CCSER1: variants seen among roughly 807,000 people sequenced by gnomAD.
The protein encoded by CCSER1 is coiled-coil serine rich protein 1.
A neutral mutation model predicts 82.0 loss-of-function variants in CCSER1; 41 were observed. That is an observed-to-expected ratio of 0.50 (90% CI 0.39 to 0.65). The LOEUF is 0.65. Among genes scored for constraint, CCSER1 ranks in the 30% least tolerant of loss-of-function variants. The probability of loss-of-function intolerance (pLI) is 0.00; values close to 1 mark genes in which losing one functional copy is unlikely to be tolerated. For missense variants in CCSER1, 1,119 were observed against 1,064.2 expected, an observed-to-expected ratio of 1.05 and a Z score of -0.72; for synonymous variants, 414 against 383.9, an observed-to-expected ratio of 1.08 and a Z score of -0.92.
intron 1 of CCSER1, among the ~76,000 whole-genome samples, chr4:90,212,693 G>T (rs1740257810): frequency 6.6e-6 from 1 of 152,202 alleles, no homozygotes; most frequent in Non-Finnish European, 1.5e-5. Flanking sequence ...TAGATATATT[G>T]TATGTCTGAT....
chr4:90,276,326 TTTCTTTCTTTC>T (rs1280089802), intron 1 of CCSER1, among the ~76,000 whole-genome samples: 8 of 142,210 alleles, frequency 5.6e-5, no homozygotes, highest in African/African-American at 1.4e-4. Flanking sequence ...TTTTTCTTTC[TTTCTTTCTTTC>T]TTCTTTCTTT....
rs545874713 is a variant in CCSER1 at position 90,491,712 on chromosome 4, C to A, written c.1724+23358C>A. 1.5e-4 allele frequency among the ~76,000 whole-genome samples: 23 copies of A among 152,038 alleles called. No individual in the cohort carries two copies. In the South Asian group the frequency reaches 2.9e-3, roughly 19 times the overall value. On this transcript the variant is annotated intron_variant, in intron 5 of 10. Coordinates refer to ENST00000509176, the MANE Select transcript of CCSER1 (RefSeq NM_001145065.2). Reference sequence around the variant, plus strand: ...TCCCACCAATACCTAATTTATTGAGCGTTTTTAGCATGAAGTGTTGTTGAA... The same window carrying A: ...TCCCACCAATACCTAATTTATTGAGAGTTTTTAGCATGAAGTGTTGTTGAA...
intron 10 of CCSER1, among the ~76,000 whole-genome samples, chr4:91,200,490 A>G (rs1735819395): frequency 6.6e-6 from 1 of 152,136 alleles, no homozygotes; most frequent in African/African-American, 2.4e-5. Flanking sequence ...GCCACATCTT[A>G]GAAGTCTTCA....
chr4:90,910,762 A>G (rs1250991408), intron 8 of CCSER1, among the ~76,000 whole-genome samples: 4 of 152,072 alleles, frequency 2.6e-5, no homozygotes, highest in African/African-American at 9.7e-5. Flanking sequence ...AAACATACAA[A>G]CCTGAAATAA....
At chr4:91,456,873 T>C (rs1756207643) in intron 10 of CCSER1, among the ~76,000 whole-genome samples, 1 of 152,158 alleles carries the variant, frequency 6.6e-6, no homozygotes, top group African/African-American at 2.4e-5. Context: ...AAATTTTCCA[T>C]TGCTGTCCAT....
rs7677753 is a variant in CCSER1, at chr4:90,278,595, G to A, written c.-41-29649G>A. Among the ~76,000 whole-genome samples the A allele has an allele frequency of 5.7e-3, 870 of 151,936 alleles. 7 individuals carry two copies. Among genetic ancestry groups the A allele is most frequent in the African/African-American group, 0.02 (838 of 41,438 alleles). ...AGAAACAGAAAACCAAATACTTCATGTTATTACTTACCGGTGAGAGTTTAA... is the reference window on the plus strand; with the variant it reads ...AGAAACAGAAAACCAAATACTTCATATTATTACTTACCGGTGAGAGTTTAA... On this transcript the variant is annotated intron_variant, in intron 1 of 10. Transcript: ENST00000509176.
chr4:90,764,540 G>C (rs1750914221), intron 7 of CCSER1, among the ~76,000 whole-genome samples: 1 of 152,046 alleles, frequency 6.6e-6, no homozygotes, highest in South Asian at 2.1e-4. Flanking sequence ...AGGCTGCATG[G>C]ATCATAATGG....
At chr4:90,577,024 C>G (rs1242820857) in intron 5 of CCSER1, among the ~76,000 whole-genome samples, 2 of 152,074 alleles carry the variant, frequency 1.3e-5, no homozygotes, top group Non-Finnish European at 2.9e-5. Context: ...TGTTCCATAT[C>G]CTAACCAGCA....
intron 4 of CCSER1, among the ~76,000 whole-genome samples, chr4:90,409,678 G>T (rs1259880865): frequency 6.6e-6 from 1 of 152,096 alleles, no homozygotes; most frequent in African/African-American, 2.4e-5. Flanking sequence ...GCAAAAACAT[G>T]CTAAATTTTA....
chr4:91,320,418 T>G (rs1331540208), intron 10 of CCSER1, among the ~76,000 whole-genome samples: 1 of 152,038 alleles, frequency 6.6e-6, no homozygotes, highest in East Asian at 1.9e-4. Context: ...TGTGCATAAT[T>G]ATAGTAGACA....
chr4:91,065,006 T>C (rs1372574881), intron 9 of CCSER1, among the ~76,000 whole-genome samples: 1 of 151,972 alleles, frequency 6.6e-6, no homozygotes, highest in East Asian at 1.9e-4. Context: ...AAAATCAAGA[T>C]GGTGAAATAC....
intron 1 of CCSER1, among the ~76,000 whole-genome samples, chr4:90,140,475 A>G (rs1277173204): frequency 6.6e-6 from 1 of 152,162 alleles, no homozygotes. Flanking sequence ...GTTCACACTC[A>G]CATCAAAAAC....
chr4:91,540,643 T>G (rs1761540349), intron 10 of CCSER1, among the ~76,000 whole-genome samples: 1 of 152,194 alleles, frequency 6.6e-6, no homozygotes, highest in South Asian at 2.1e-4. Context: ...ATCTAGGTTT[T>G]CTTCTGTTAT....
At chr4:91,089,731 T>C (rs1723754401) in intron 10 of CCSER1, among the ~76,000 whole-genome samples, 2 of 152,200 alleles carry the variant, frequency 1.3e-5, no homozygotes, top group Admixed American at 1.3e-4. Flanking sequence ...GAGTTTTAAA[T>C]CCTCCTATTG....
chr4:91,212,883 C>T (rs962675650), intron 10 of CCSER1, among the ~76,000 whole-genome samples: 2 of 151,988 alleles, frequency 1.3e-5, no homozygotes, highest in Non-Finnish European at 2.9e-5. Context: ...AGCCCTTGCC[C>T]ACCTCCTTCT....
At chr4:90,683,360 C>G (rs1292854971) in intron 6 of CCSER1, among the ~76,000 whole-genome samples, 1 of 151,982 alleles carries the variant, frequency 6.6e-6, no homozygotes, top group Non-Finnish European at 1.5e-5. Context: ...TTAAAGAGCT[C>G]AAGCTATTTT....
chr4:91,551,238 T>C (rs1001134538), intron 10 of CCSER1, among the ~76,000 whole-genome samples: 3 of 152,152 alleles, frequency 2.0e-5, no homozygotes, highest in Non-Finnish European at 4.4e-5. Context: ...ACTTATGTTA[T>C]TGTGTTAATT....
chr4:91,149,001 G>T (rs1166654866), intron 10 of CCSER1, among the ~76,000 whole-genome samples: 1 of 114,764 alleles, frequency 8.7e-6, no homozygotes, highest in Non-Finnish European at 1.9e-5. Context: ...TATATACCCA[G>T]CAGTGGGATG....
intron 10 of CCSER1, among the ~76,000 whole-genome samples, chr4:91,384,812 A>G (rs1232529875): frequency 1.3e-5 from 2 of 152,102 alleles, no homozygotes; most frequent in Non-Finnish European, 2.9e-5. Context: ...CGGAAGATAC[A>G]AATAGGCAGT....
Sources: gnomAD v4.1 joint callset for allele counts (sites outside exome capture counted in the v4.1 genomes callset) on GRCh38, gnomAD v4.1.1 for gene constraint, MANE v1.5 for transcripts, NCBI Gene and HGNC (gene_info 2026-07-23, HGNC 2026-07-21) for gene names.